The following ZDHHC3 variants were observed in gnomAD, a reference collection of about 807,000 sequenced individuals.
ZDHHC3 encodes palmitoyltransferase ZDHHC3.
A neutral mutation model predicts 30.6 loss-of-function variants in ZDHHC3; 9 were observed. The ratio of observed to expected loss-of-function variants is 0.29; its 90% CI spans 0.18 to 0.51. The LOEUF (loss-of-function observed/expected upper bound fraction) is 0.51. ZDHHC3 is among the 20% of genes least tolerant of loss of function. The pLI is 0.97. For missense variants in ZDHHC3, 246 were observed against 384.2 expected (o/e 0.64, Z 3.01); for synonymous variants, 136 against 140.2 (o/e 0.97, Z 0.21).
chr3:44,942,873 T>C (rs565124898), intron 3 of ZDHHC3, among the ~76,000 whole-genome samples: 1 of 152,214 alleles, frequency 6.6e-6, no homozygotes, highest in Non-Finnish European at 1.5e-5. Flanking sequence ...GGCCAGAGTC[T>C]GCTCCACCAT....
Position 44,920,162 on chromosome 3 carries a change from T to C in ZDHHC3, c.*6527A>G. The C allele has an allele frequency of 7.9e-7, 1 of 1,266,682 alleles. No homozygotes were observed. Among genetic ancestry groups the C allele is most frequent in the Non-Finnish European group, 1.0e-6 (1 of 972,770 alleles). The allele number at this position is 1,266,682 out of a possible 1,614,324, so 78.5% of individuals were successfully genotyped here. On this transcript the variant is annotated 3_prime_UTR_variant, in exon 7 of 7. Coordinates refer to ENST00000424952, the MANE Select transcript of ZDHHC3 (RefSeq NM_001135179.2). ...GAACAAAAATAGTTGTTTCAGAAAATGGATCTTGTTGACACAAGTCTAAAG... is the reference window on the plus strand; with the variant it reads ...GAACAAAAATAGTTGTTTCAGAAAACGGATCTTGTTGACACAAGTCTAAAG...
Position 44,922,494 on chromosome 3 carries a change from AG to A in ZDHHC3, c.*4194del. Reference sequence around the variant, plus strand: ...ATGTCTTGGCAGTTGTTTGTTGGGGAGGCCGCAGCTTATGAGGGAAGGCAGT... The same window carrying A: ...ATGTCTTGGCAGTTGTTTGTTGGGGAGCCGCAGCTTATGAGGGAAGGCAGT... On this transcript the variant is annotated 3_prime_UTR_variant, in exon 7 of 7. Coordinates refer to ENST00000424952, the MANE Select transcript of ZDHHC3 (RefSeq NM_001135179.2). The A allele has an allele frequency of 1.0e-6, 1 of 985,322 alleles. No individual in the cohort carries two copies. Among genetic ancestry groups the A allele is most frequent in the Non-Finnish European group, 1.2e-6 (1 of 829,894 alleles). The allele number at this position is 985,322 out of a possible 1,614,324, so 61.0% of individuals were successfully genotyped here.
rs1700801633 is a variant in ZDHHC3 at position 44,924,064 on chromosome 3, T to G, written c.*2625A>C. 1 of 985,302 alleles carries G rather than the reference T, an allele frequency of 1.0e-6. No individual in the cohort carries two copies. The highest frequency in any genetic ancestry group is 1.7e-5 in the African/African-American group (1 of 57,222). The allele number at this position is 985,302 out of a possible 1,614,324, so 61.0% of individuals were successfully genotyped here. ...ACAAGCCACATCTTTATTTTTCACT[T>G]CCACTCCCCAGAGCCCAGGCTCTGA... On this transcript the variant is annotated 3_prime_UTR_variant, in exon 7 of 7. Transcript: ENST00000424952.
At chr3:44,968,766 A>T (rs1490119114) in intron 1 of ZDHHC3, among the ~76,000 whole-genome samples, 1 of 152,214 alleles carries the variant, frequency 6.6e-6, no homozygotes, top group Non-Finnish European at 1.5e-5. Context: ...CACCTGTCTC[A>T]TTAATGGAGC....
At chr3:44,933,062 C>A (rs572666251) in intron 5 of ZDHHC3, 56 bp downstream of exon 5, 63 of 1,612,156 alleles carry the variant, frequency 3.9e-5, no homozygotes, top group African/African-American at 2.1e-4. Context: ...CCCCGCCCCC[C>A]ACTCAGGTCA....
intron 2 of ZDHHC3, among the ~76,000 whole-genome samples, chr3:44,950,847 T>C (rs903323560): frequency 6.6e-6 from 1 of 152,222 alleles, no homozygotes; most frequent in Non-Finnish European, 1.5e-5. Context: ...GCCTGAGACA[T>C]TTTTGTCACT....
intron 2 of ZDHHC3, 132 bp from the exon 3 acceptor site, chr3:44,945,424 T>C (rs530445114): frequency 2.6e-5 from 34 of 1,287,322 alleles, no homozygotes; most frequent in Non-Finnish European, 3.3e-5. Flanking sequence ...ACCAACAACA[T>C]GTGGACTCTG....
intron 2 of ZDHHC3, among the ~76,000 whole-genome samples, chr3:44,957,534 C>G (rs781560200): frequency 6.6e-6 from 1 of 152,204 alleles, no homozygotes; most frequent in Non-Finnish European, 1.5e-5. Flanking sequence ...TCCTTAGGCA[C>G]CTCGCCCACA....
At chr3:44,966,438 A>G (rs1704958443) in intron 1 of ZDHHC3, among the ~76,000 whole-genome samples, 1 of 152,176 alleles carries the variant, frequency 6.6e-6, no homozygotes. Context: ...TTAAACAATC[A>G]CTTAAAATGT....
At chr3:44,951,172 A>G (rs530345854) in intron 2 of ZDHHC3, among the ~76,000 whole-genome samples, 1 of 152,296 alleles carries the variant, frequency 6.6e-6, no homozygotes, top group South Asian at 2.1e-4. Flanking sequence ...ATAGGCTCAT[A>G]AAAAGCAGAT....
At position 44,917,241 on chromosome 3, in the gene ZDHHC3, ATG is replaced by A. The variant is rs1700238537; in HGVS notation, c.*9446_*9447del. ...TGTCCATGCTGGACATGTCCTGCAC[ATG>A]TGTGTGTAGAGCTTAATGCAGGGTC... On this transcript the variant is annotated 3_prime_UTR_variant, in exon 7 of 7. Transcript: ENST00000424952. The A allele has an allele frequency of 6.4e-6, 1 of 156,124 alleles. No homozygotes were observed. Among genetic ancestry groups the A allele is most frequent in the South Asian group, 1.9e-4 (1 of 5,158 alleles). 9.7% of individuals were successfully genotyped at this position (156,124 alleles called of 1,614,324 possible). A position where few individuals can be genotyped will look rare whatever the true frequency, so the allele number is the denominator to read the frequency against.
At position 44,920,401 on chromosome 3, in the gene ZDHHC3, G is replaced by T; in HGVS notation, c.*6288C>A. 1 of 1,276,690 alleles carries T rather than the reference G, an allele frequency of 7.8e-7. No individual in the cohort carries two copies. The highest frequency in any genetic ancestry group is 1.0e-6 in the Non-Finnish European group (1 of 978,486). 79.1% of individuals were successfully genotyped at this position (1,276,690 alleles called of 1,614,324 possible). Reference sequence around the variant, plus strand: ...TGGGACATCACCATATGGCAGACCCGGCTACAGAGGAAACACCCAAAAATG... The same window carrying T: ...TGGGACATCACCATATGGCAGACCCTGCTACAGAGGAAACACCCAAAAATG... On this transcript the variant is annotated 3_prime_UTR_variant, in exon 7 of 7. Coordinates refer to ENST00000424952, the MANE Select transcript of ZDHHC3 (RefSeq NM_001135179.2).
chr3:44,954,707 G>C (rs1039961290), intron 2 of ZDHHC3, among the ~76,000 whole-genome samples: 1 of 152,130 alleles, frequency 6.6e-6, no homozygotes, highest in Non-Finnish European at 1.5e-5. Context: ...TACAATTACT[G>C]TCATTGTGTA....
intron 3 of ZDHHC3, chr3:44,937,785 CT>C (rs1177669243): frequency 5.0e-6 from 2 of 396,654 alleles, no homozygotes; most frequent in Non-Finnish European, 1.0e-5. Context: ...CCGCATGGGT[CT>C]GTCCCCAAAA....
intron 1 of ZDHHC3, among the ~76,000 whole-genome samples, chr3:44,975,685 G>C (rs866790461): frequency 6.6e-6 from 1 of 151,706 alleles, no homozygotes; most frequent in Non-Finnish European, 1.5e-5. Flanking sequence ...GAAATGGAGG[G>C]GAGAAGAGCA....
rs1325502286 is a variant in ZDHHC3, at chr3:44,959,236, C to G, written c.201G>C (p.Leu67=). The change falls in exon 2 of 7, where the codon CTG becomes CTC. Residue 67 remains leucine, a synonymous_variant. Transcript: ENST00000424952. The surrounding 1 kb of genome is among the most constrained non-coding windows in gnomAD (Gnocchi z 4.3). ...TATACACGTAGTCTCGAGATGGAATCAGCATGACAAAGAGGACCACGAACT... is the reference window on the plus strand; with the variant it reads ...TATACACGTAGTCTCGAGATGGAATGAGCATGACAAAGAGGACCACGAACT... The part of the protein sequence containing the change: ...YAEFVVLFVM[L]IPSRDYVYSI... 1.2e-6 allele frequency: 2 copies of G among 1,614,120 alleles called. No individual in the cohort carries two copies. The highest frequency in any genetic ancestry group is 1.7e-5 in the Admixed American group (1 of 60,010).
Position 44,959,014 on chromosome 3 carries a change from C to T in ZDHHC3, c.306+117G>A. On this transcript the variant is annotated intron_variant, in intron 2 of 6. Coordinates refer to ENST00000424952, the MANE Select transcript of ZDHHC3 (RefSeq NM_001135179.2). The surrounding 1 kb of genome is among the most constrained non-coding windows in gnomAD (Gnocchi z 4.3). ...GGCAGAGATCTACTTCCTCACCCTC[C>T]CCTGGCCCTCCTATCCTCCAAGTTC... 7.8e-7 allele frequency: 1 copy of T among 1,279,734 alleles called. No individual in the cohort carries two copies. The highest frequency in any genetic ancestry group is 1.1e-6 in the Non-Finnish European group (1 of 916,194). 79.3% of individuals were successfully genotyped at this position (1,279,734 alleles called of 1,614,324 possible).
chr3:44,964,623 T>G (rs935465989), intron 1 of ZDHHC3, among the ~76,000 whole-genome samples: 3 of 152,242 alleles, frequency 2.0e-5, no homozygotes, highest in Admixed American at 1.3e-4. Flanking sequence ...GTACTCATGC[T>G]GTGGCAAGAC....
Position 44,922,105 on chromosome 3 carries a change from TG to T in ZDHHC3, c.*4583del. ...AAGAAGGTTCAGGTTGGGAGTACGCTGGTCAGTGGCTTGTTTCTGCTTCACT... is the reference window on the plus strand; with the variant it reads ...AAGAAGGTTCAGGTTGGGAGTACGCTGTCAGTGGCTTGTTTCTGCTTCACT... On this transcript the variant is annotated 3_prime_UTR_variant, in exon 7 of 7. Coordinates refer to ENST00000424952, the MANE Select transcript of ZDHHC3 (RefSeq NM_001135179.2). 1 of 985,454 alleles carries T rather than the reference TG, an allele frequency of 1.0e-6. No individual in the cohort carries two copies. The highest frequency in any genetic ancestry group is 5.2e-4 in the Middle Eastern group (1 of 1,914). The allele number at this position is 985,454 out of a possible 1,614,324, so 61.0% of individuals were successfully genotyped here.
Sources: gnomAD v4.1 joint callset for allele counts (sites outside exome capture counted in the v4.1 genomes callset) on GRCh38, gnomAD v4.1.1 for gene constraint, Gnocchi (gnomAD v3.1) non-coding constraint, MANE v1.5 for transcripts, NCBI Gene and HGNC (gene_info 2026-07-23, HGNC 2026-07-21) for gene names.